SOX10: variants seen among roughly 807,000 people sequenced by gnomAD.
SOX10 encodes transcription factor SOX-10.
SOX10 carries 3 observed loss-of-function variants against 35.0 expected under a neutral mutation model. The ratio of observed to expected loss-of-function variants is 0.09; its 90% confidence interval spans 0.04 to 0.22. SOX10 has a LOEUF of 0.22. Ranked by LOEUF, SOX10 falls within the 10% of genes least tolerant of loss-of-function variation. The probability of loss-of-function intolerance (pLI) is 1.00; values close to 1 mark genes in which losing one functional copy is unlikely to be tolerated. For synonymous variants in SOX10, 285 were observed against 291.0 expected (o/e 0.98, Z 0.21); for missense variants, 436 against 655.1 (o/e 0.67, Z 3.65).
Position 37,983,635 on chromosome 22 carries a change from C to G in SOX10, c.150G>C (p.Glu50Asp). 6.2e-7 allele frequency: 1 copy of G among 1,601,866 alleles called. No homozygotes were observed. The highest frequency in any genetic ancestry group is 8.5e-7 in the Non-Finnish European group (1 of 1,177,944). Reference sequence around the variant, plus strand: ...GCTGCTCCTTCTTGACCTTGCCCAGCTCGCCTGGCCCCGGGCTGGCTCGCA... The same window carrying G: ...GCTGCTCCTTCTTGACCTTGCCCAGGTCGCCTGGCCCCGGGCTGGCTCGCA... Reference protein sequence around the residue: ...SGLRASPGPGELGKVKKEQQD... With the variant: ...SGLRASPGPGDLGKVKKEQQD... Residue 50 changes from glutamate to aspartate, a missense_variant, in exon 2 of 4, where the codon GAG (glutamate) becomes GAC (aspartate). By Grantham distance (45) the Glu-to-Asp change is conservative. Transcript: ENST00000396884. The surrounding 1 kb of genome is among the most constrained non-coding windows in gnomAD (Gnocchi z 9.5).
At chr22:37,981,527 A>T (rs1336990054) in intron 2 of SOX10, among the ~76,000 whole-genome samples, 1 of 152,190 alleles carries the variant, frequency 6.6e-6, no homozygotes, top group African/African-American at 2.4e-5. Context: ...GGCTGGGGGA[A>T]CCTGGGGACA....
intron 2 of SOX10, among the ~76,000 whole-genome samples, chr22:37,979,354 T>C (rs747624337): frequency 2.0e-5 from 3 of 152,150 alleles, no homozygotes; most frequent in Non-Finnish European, 4.4e-5. Flanking sequence ...CGCCTTGGCC[T>C]CCCAAAGTGC....
At position 37,983,294 on chromosome 22, in the gene SOX10, T is replaced by C. The variant is rs555413847; in HGVS notation, c.428+63A>G. On this transcript the variant is annotated intron_variant, in intron 2 of 3. Transcript: ENST00000396884. This position sits in a 1 kb window ranked among gnomAD's most constrained non-coding sequence, Gnocchi z 9.5. ...CTGAGGTGCAGGAGGCCGGGCCGCCTCGGCTACCCTGAATCCACCCGAAGC... is the reference window on the plus strand; with the variant it reads ...CTGAGGTGCAGGAGGCCGGGCCGCCCCGGCTACCCTGAATCCACCCGAAGC... The C allele has an allele frequency of 1.3e-6, 2 of 1,543,340 alleles. No individual in the cohort carries two copies. The highest frequency in any genetic ancestry group is 2.4e-5 in the South Asian group (2 of 84,652).
chr22:37,977,823 C>T (rs1187587983), intron 3 of SOX10, 44 bp downstream of exon 3: 10 of 1,581,096 alleles, frequency 6.3e-6, no homozygotes, highest in African/African-American at 2.7e-5. Flanking sequence ...CCTGTCTCCA[C>T]TGACTGGCCT....
rs1440285745 is a variant in SOX10 at position 37,981,823 on chromosome 22, C to T, written c.428+1534G>A. On this transcript the variant is annotated intron_variant, in intron 2 of 3. Transcript: ENST00000396884. ...TGGGCAGAACTGGGCTGTCTGGGTC[C>T]ACACAGCGGGCTGGTCGCTGAGCCC... 3.3e-5 allele frequency among the ~76,000 whole-genome samples: 5 copies of T among 152,320 alleles called. No individual in the cohort carries two copies. In the East Asian group the frequency reaches 9.7e-4, roughly 29 times the overall value.
rs139860510 is a variant in SOX10 at position 37,980,292 on chromosome 22, C to A, written c.429-2157G>T. Among the ~76,000 whole-genome samples the A allele has an allele frequency of 7.9e-5, 12 of 152,044 alleles. No individual in the cohort carries two copies. The highest frequency in any genetic ancestry group is 6.5e-4 in the Admixed American group (10 of 15,272). On this transcript the variant is annotated intron_variant, in intron 2 of 3. Coordinates refer to ENST00000396884, the MANE Select transcript of SOX10 (RefSeq NM_006941.4). The surrounding 1 kb of genome is among the most constrained non-coding windows in gnomAD (Gnocchi z 4.1). ...GAGAGCTGCTCCGCCAGCAGTGGAC[C>A]CCAACAGAGGGGCTTCTGGGATGGC...
chr22:37,977,743 C>G, intron 3 of SOX10, 124 bp downstream of exon 3: 1 of 1,096,360 alleles, frequency 9.1e-7, no homozygotes. Context: ...CCCTGCAGCT[C>G]TGCTGGGGCA....
At position 37,974,347 on chromosome 22, in the gene SOX10, G is replaced by GTTT. The variant is rs916489152; in HGVS notation, c.698-152_698-150dup. 43 of 584,218 alleles carry GTTT rather than the reference G, an allele frequency of 7.4e-5. 1 individual carries two copies. In the African/African-American group the frequency reaches 7.5e-4, roughly 10 times the overall value. The allele number at this position is 584,218 out of a possible 1,614,324, so 36.2% of individuals were successfully genotyped here. On this transcript the variant is annotated intron_variant, in intron 3 of 3. Coordinates refer to ENST00000396884, the MANE Select transcript of SOX10 (RefSeq NM_006941.4). The surrounding 1 kb of genome is among the most constrained non-coding windows in gnomAD (Gnocchi z 5.4). ...TTCACATTTTGGCAGCATGAGTCGG[G>GTTT]TTTTTTTTTGTTTTTTTTTTTTGAG...
chr22:37,976,455 T>C lies in SOX10; in HGVS notation c.697+1412A>G, dbSNP rs532489234. On this transcript the variant is annotated intron_variant, in intron 3 of 3. Transcript: ENST00000396884. ...GCCAGGGACTGTAGGCTTCTCTGGT[T>C]AGTACCCCTGGTGTCCACTCCAGTG... Among the ~76,000 whole-genome samples the C allele has an allele frequency of 2.1e-3, 323 of 152,344 alleles. 3 individuals are homozygous for C. The highest frequency in any genetic ancestry group is 7.5e-3 in the African/African-American group (311 of 41,582).
chr22:37,976,250 A>G (rs760221271), intron 3 of SOX10, among the ~76,000 whole-genome samples: 1 of 152,072 alleles, frequency 6.6e-6, no homozygotes, highest in Non-Finnish European at 1.5e-5. Flanking sequence ...AAAAAAAGAC[A>G]GAGTCTTACT....
rs1009575913 is a variant in SOX10, at chr22:37,974,991, C to A, written c.698-793G>T. On this transcript the variant is annotated intron_variant, in intron 3 of 3. Coordinates refer to ENST00000396884, the MANE Select transcript of SOX10 (RefSeq NM_006941.4). This position sits in a 1 kb window ranked among gnomAD's most constrained non-coding sequence, Gnocchi z 5.4. ...AACCCTTCCCTCCTCCTGAGCCCAC[C>A]CTGCTTCCCAGCCCACTGGCAAGCC... 6.6e-6 allele frequency among the ~76,000 whole-genome samples: 1 copy of A among 152,202 alleles called. No homozygotes were observed. Among genetic ancestry groups the A allele is most frequent in the Non-Finnish European group, 1.5e-5 (1 of 68,048 alleles).
At chr22:37,977,718 G>T in intron 3 of SOX10, 149 bp downstream of exon 3, 1 of 843,454 alleles carries the variant, frequency 1.2e-6, no homozygotes, top group African/African-American at 1.7e-5. Context: ...AACCCCCATG[G>T]AGCTCCCTCT....
intron 3 of SOX10, among the ~76,000 whole-genome samples, chr22:37,976,594 C>T (rs1021172655): frequency 1.3e-5 from 2 of 152,200 alleles, no homozygotes; most frequent in African/African-American, 4.8e-5. Context: ...GGAACACAGG[C>T]AAGGCAGCTG....
rs906044123 is a variant in SOX10, at chr22:37,980,152, G to C, written c.429-2017C>G. On this transcript the variant is annotated intron_variant, in intron 2 of 3. Coordinates refer to ENST00000396884, the MANE Select transcript of SOX10 (RefSeq NM_006941.4). This position sits in a 1 kb window ranked among gnomAD's most constrained non-coding sequence, Gnocchi z 4.1. ...TGTACACACTTAGGACAAAGATGCCGGAGCAGGGCCTTGAGAGTCAGGGAG... is the reference window on the plus strand; with the variant it reads ...TGTACACACTTAGGACAAAGATGCCCGAGCAGGGCCTTGAGAGTCAGGGAG... Among the ~76,000 whole-genome samples, 1 of 152,230 alleles carries C rather than the reference G, an allele frequency of 6.6e-6. No homozygotes were observed. The highest frequency in any genetic ancestry group is 1.5e-5 in the Non-Finnish European group (1 of 68,010).
At position 37,973,486 on chromosome 22, in the gene SOX10, G is replaced by A; in HGVS notation, c.*9C>T. On this transcript the variant is annotated 3_prime_UTR_variant, in exon 4 of 4. Transcript: ENST00000396884. ...GGCTGGGCGGGGGGTGGTGGCGACA[G>A]GGCCCCCTTTAGGGCCGGGACAGTG... is the stretch of plus-strand genomic sequence containing the variant. 1 of 1,555,610 alleles carries A rather than the reference G, an allele frequency of 6.4e-7. No individual in the cohort carries two copies. Among genetic ancestry groups the A allele is most frequent in the Non-Finnish European group, 8.7e-7 (1 of 1,144,812 alleles).
rs1479926111 is a variant in SOX10, at chr22:37,984,179, T to C, written c.-85+160A>G. ...TTTGCTCTAATCCCGGCCCCTGGAA[T>C]TTCCCACCTTTTCTCTCACCTTTCC... On this transcript the variant is annotated intron_variant, in intron 1 of 3. Transcript: ENST00000396884. This position sits in a 1 kb window ranked among gnomAD's most constrained non-coding sequence, Gnocchi z 4.4. The C allele has an allele frequency of 6.3e-6, 1 of 158,428 alleles. No individual in the cohort carries two copies. The highest frequency in any genetic ancestry group is 2.0e-4 in the South Asian group (1 of 5,002). The allele number at this position is 158,428 out of a possible 1,614,324, so 9.8% of individuals were successfully genotyped here.
At chr22:37,977,018 A>G (rs1932241066) in intron 3 of SOX10, among the ~76,000 whole-genome samples, 1 of 151,788 alleles carries the variant, frequency 6.6e-6, no homozygotes, top group East Asian at 2.0e-4. Context: ...AATACACAAA[A>G]TGAGCCAGAC....
rs2145778633 is a variant in SOX10, at chr22:37,984,254, G to A, written c.-85+85C>T. ...GGGTTTAGAGGAGAGCCAGGTGGGG[G>A]GCAAGGGCGGGGTGTCGCCTCTCTC... On this transcript the variant is annotated intron_variant, in intron 1 of 3. Coordinates refer to ENST00000396884, the MANE Select transcript of SOX10 (RefSeq NM_006941.4). This position sits in a 1 kb window ranked among gnomAD's most constrained non-coding sequence, Gnocchi z 4.4. The A allele has an allele frequency of 6.5e-6, 1 of 154,772 alleles. No individual in the cohort carries two copies. The highest frequency in any genetic ancestry group is 2.4e-5 in the African/African-American group (1 of 41,584). 9.6% of individuals were successfully genotyped at this position (154,772 alleles called of 1,614,324 possible).
chr22:37,974,267 G>C lies in SOX10; in HGVS notation c.698-69C>G. 8.2e-7 allele frequency: 1 copy of C among 1,212,924 alleles called. No individual in the cohort carries two copies. The highest frequency in any genetic ancestry group is 1.2e-6 in the Non-Finnish European group (1 of 846,924). 75.1% of individuals were successfully genotyped at this position (1,212,924 alleles called of 1,614,324 possible). On this transcript the variant is annotated intron_variant, in intron 3 of 3. Transcript: ENST00000396884. The surrounding 1 kb of genome is among the most constrained non-coding windows in gnomAD (Gnocchi z 5.4). ...AGGTTAGAGGCAGGTGGGCGCACGT[G>C]AACTTCCATGGTTCACCTTCAGGCA...
Sources: gnomAD v4.1 joint callset for allele counts (sites outside exome capture counted in the v4.1 genomes callset) on GRCh38, gnomAD v4.1.1 for gene constraint, Gnocchi (gnomAD v3.1) non-coding constraint, MANE v1.5 for transcripts, NCBI Gene and HGNC (gene_info 2026-07-23, HGNC 2026-07-21) for gene names.